Variants in ITGB2 observed in about 807,000 individuals in gnomAD.
ITGB2 encodes the protein integrin subunit beta 2, also known as integrin beta-2.
Under a neutral mutation model 86.8 loss-of-function variants are expected in ITGB2, and 56 were observed. The observed-to-expected ratio is 0.65, with a 90% confidence interval of 0.52 to 0.81. The LOEUF is 0.81. Among genes scored for constraint, ITGB2 ranks in the 30% least tolerant of loss-of-function variants. The pLI is 0.00. For synonymous variants in ITGB2, 457 were observed against 450.4 expected (o/e 1.01, Z -0.19); for missense variants, 948 against 1,061.2 (o/e 0.89, Z 1.48).
In ITGB2 at chr21:44,890,041, G is replaced by T; in HGVS notation, c.1594C>A (p.Gln532Lys). The change falls in exon 12 of 16, where the codon CAG becomes AAG. Residue 532 changes from glutamine to lysine, a missense_variant. Gln to Lys is a moderately conservative substitution (Grantham distance 53). Coordinates refer to ENST00000652462, the MANE Select transcript of ITGB2 (RefSeq NM_000211.5). ...SDVPGKLIYG[Q>K]YCECDTINCE... Reference sequence around the variant, plus strand: ...TTGATGGTGTCACACTCGCAGTACTGCCCGTATATCAGCTTGCCGGGGACG... The same window carrying T: ...TTGATGGTGTCACACTCGCAGTACTTCCCGTATATCAGCTTGCCGGGGACG... The T allele has an allele frequency of 1.2e-6, 2 of 1,613,534 alleles. No homozygotes were observed. The highest frequency in any genetic ancestry group is 1.7e-6 in the Non-Finnish European group (2 of 1,180,028).
chr21:44,911,700 C>A (rs1280569545), intron 1 of ITGB2, among the ~76,000 whole-genome samples: 2 of 152,228 alleles, frequency 1.3e-5, no homozygotes, highest in Non-Finnish European at 2.9e-5. Flanking sequence ...CCGTCCTTAA[C>A]CCACGCATCC....
intron 4 of ITGB2, 88 bp from the exon 5 acceptor site, chr21:44,903,623 T>A (rs916026617): frequency 1.1e-5 from 16 of 1,486,924 alleles, no homozygotes; most frequent in Non-Finnish European, 1.4e-5. Flanking sequence ...GGCTGTGCAC[T>A]GGCACCCTCT....
Position 44,894,540 on chromosome 21 carries a change from G to A in ITGB2, c.1083+431C>T. 10 of 279,430 alleles carry A rather than the reference G, an allele frequency of 3.6e-5. No homozygotes were observed. The South Asian group carries it at 3.6e-4, about 10-fold the overall frequency. The allele number at this position is 279,430 out of a possible 1,614,324, so 17.3% of individuals were successfully genotyped here. On this transcript the variant is annotated intron_variant, in intron 9 of 15. Transcript: ENST00000652462. ...AATTCAGGGGTTAAGGGCTTCTCTG[G>A]AGCTTGCCCAGGACAGGTGAACAGA...
chr21:44,926,500 C>T (rs1568916678), intron 1 of ITGB2, among the ~76,000 whole-genome samples: 1 of 152,176 alleles, frequency 6.6e-6, no homozygotes, highest in African/African-American at 2.4e-5. Flanking sequence ...CACCGGCAAC[C>T]GGCATCCGTG....
chr21:44,905,625 G>C (rs1385881681), intron 4 of ITGB2, among the ~76,000 whole-genome samples: 5 of 152,236 alleles, frequency 3.3e-5, no homozygotes, highest in Non-Finnish European at 5.9e-5. Context: ...AGGCCCTCGA[G>C]TTTGAGGTCA....
At chr21:44,896,040 A>G (rs1014246550) in intron 8 of ITGB2, among the ~76,000 whole-genome samples, 10 of 151,776 alleles carry the variant, frequency 6.6e-5, no homozygotes, top group Non-Finnish European at 1.3e-4. Flanking sequence ...CTGCGGTGTG[A>G]GTGCTCCCGC....
intron 8 of ITGB2, among the ~76,000 whole-genome samples, chr21:44,897,221 C>T (rs561068291): frequency 6.6e-6 from 1 of 152,348 alleles, no homozygotes; most frequent in South Asian, 2.1e-4. Flanking sequence ...CGAGGTTGAG[C>T]TTGTAGCTGG....
intron 1 of ITGB2, among the ~76,000 whole-genome samples, chr21:44,917,074 G>A (rs1423420252): frequency 6.6e-6 from 1 of 152,118 alleles, no homozygotes; most frequent in Non-Finnish European, 1.5e-5. Context: ...CAAGGGTGTG[G>A]CACCCTGAGC....
In ITGB2 at chr21:44,886,922, C is replaced by A. The variant is rs2146491546; in HGVS notation, c.2081-20G>T. 2.5e-6 allele frequency: 4 copies of A among 1,610,878 alleles called. No individual in the cohort carries two copies. The African/African-American group carries it at 4.0e-5, about 16-fold the overall frequency. ...CACACTCTAGGGAAGAAGCAGCACACCTGAGCGTCAGTCCAGCCCCATCTC... is the reference window on the plus strand; with the variant it reads ...CACACTCTAGGGAAGAAGCAGCACAACTGAGCGTCAGTCCAGCCCCATCTC... On this transcript the variant is annotated intron_variant, in intron 14 of 15. Transcript: ENST00000652462.
intron 3 of ITGB2, 121 bp downstream of exon 3, chr21:44,910,162 CT>C: frequency 7.4e-7 from 1 of 1,347,114 alleles, no homozygotes; most frequent in Non-Finnish European, 1.0e-6. Flanking sequence ...AGGCCAGGGT[CT>C]GGGGACCCCC....
At position 44,910,693 on chromosome 21, in the gene ITGB2, G is replaced by A. The variant is rs367741178; in HGVS notation, c.58+32C>T. On this transcript the variant is annotated intron_variant, in intron 2 of 15. Coordinates refer to ENST00000652462, the MANE Select transcript of ITGB2 (RefSeq NM_000211.5). ...GTTCTCCCTGATTGGAATGTCACGC[G>A]TGGAGTCCCCTCCGTGGAACACAGA... 2.6e-4 allele frequency: 416 copies of A among 1,608,626 alleles called. 1 individual carries two copies. The highest frequency in any genetic ancestry group is 5.0e-4 in the Middle Eastern group (3 of 6,048).
Position 44,889,405 on chromosome 21 carries a change from A to C in ITGB2, c.1748T>G (p.Leu583Arg). The C allele has an allele frequency of 6.2e-7, 1 of 1,612,508 alleles. No individual in the cohort carries two copies. Among genetic ancestry groups the C allele is most frequent in the Non-Finnish European group, 8.5e-7 (1 of 1,179,686 alleles). Residue 583 changes from leucine to arginine, a missense_variant, in exon 13 of 16, where the codon CTG (leucine) becomes CGG (arginine). By Grantham distance (102) the Leu-to-Arg change is moderately radical. Coordinates refer to ENST00000652462, the MANE Select transcript of ITGB2 (RefSeq NM_000211.5). ...ACTACACTCAACACGCCGCGGGTTC[A>C]GGCAGCCCTCAGTGGTCCTCTCGCA... ...CQCERTTEGCLNPRRVECSGR... is the reference protein window; with the variant it reads ...CQCERTTEGCRNPRRVECSGR...
intron 8 of ITGB2, 86 bp downstream of exon 8, chr21:44,898,981 C>T (rs1010162803): frequency 1.5e-5 from 16 of 1,075,034 alleles, no homozygotes; most frequent in African/African-American, 6.3e-5. Flanking sequence ...GCAGAGGTGG[C>T]GCTCAGACCT....
At position 44,886,763 on chromosome 21, in the gene ITGB2, C is replaced by G. The variant is rs760991347; in HGVS notation, c.2220G>C (p.Lys740Asn). The change falls in exon 15 of 16, where the codon AAG becomes AAC. Residue 740 changes from lysine (K) to asparagine (N), a missense_variant. Coordinates refer to ENST00000652462, the MANE Select transcript of ITGB2 (RefSeq NM_000211.5). ...TGTTCCACTGGGACTTGAGCTTCTC[C>G]TTCTCAAAGCGCCTGTACTCCCGGA... ...SDLREYRRFE[K>N]EKLKSQWNND... 6.2e-7 allele frequency: 1 copy of G among 1,614,084 alleles called. No individual in the cohort carries two copies.
chr21:44,886,947 C>T lies in ITGB2; in HGVS notation c.2081-45G>A, dbSNP rs749698952. Reference sequence around the variant, plus strand: ...CCTGAGCGTCAGTCCAGCCCCATCTCACTGAGCCGTGTGCCCACAGGTCCG... The same window carrying T: ...CCTGAGCGTCAGTCCAGCCCCATCTTACTGAGCCGTGTGCCCACAGGTCCG... On this transcript the variant is annotated intron_variant, in intron 14 of 15. Coordinates refer to ENST00000652462, the MANE Select transcript of ITGB2 (RefSeq NM_000211.5). 3 of 1,606,410 alleles carry T rather than the reference C, an allele frequency of 1.9e-6. No individual in the cohort carries two copies. The South Asian group carries it at 3.3e-5, about 18-fold the overall frequency.
intron 9 of ITGB2, 130 bp downstream of exon 9, chr21:44,894,841 G>A (rs2083840197): frequency 1.4e-6 from 1 of 735,656 alleles, no homozygotes; most frequent in Non-Finnish European, 2.5e-6. Context: ...TCGGGAGGCT[G>A]CAGCTGGCCC....
chr21:44,924,773 T>G (rs2838740), upstream of ITGB2, among the ~76,000 whole-genome samples: 1 of 151,938 alleles, frequency 6.6e-6, no homozygotes, highest in Non-Finnish European at 1.5e-5. Context: ...TACGGGGTAA[T>G]GAATAAGAGC....
rs572702064 is a variant in ITGB2, at chr21:44,906,849, G to A, written c.328+66C>T. On this transcript the variant is annotated intron_variant, in intron 4 of 15. Coordinates refer to ENST00000652462, the MANE Select transcript of ITGB2 (RefSeq NM_000211.5). ...GCCCTGACACCCCAGAGCAGGGCCG[G>A]ACTCCCAGCCAGAGCCAATAACCAG... The A allele has an allele frequency of 9.4e-5, 147 of 1,569,768 alleles. No individual in the cohort carries two copies. In the East Asian group the frequency reaches 9.4e-4, roughly 10 times the overall value.
At chr21:44,895,841 AAAATGAAATG>A (rs71199643) in intron 8 of ITGB2, among the ~76,000 whole-genome samples, 124 of 129,328 alleles carry the variant, frequency 9.6e-4, no homozygotes, top group South Asian at 1.8e-3. Context: ...TCAATAAAAT[AAAATGAAATG>A]AAATGAAATG....
Sources: allele counts gnomAD v4.1 joint callset (sites outside exome capture counted in the v4.1 genomes callset), GRCh38; gene constraint gnomAD v4.1.1; transcripts MANE v1.5; gene names NCBI Gene and HGNC (gene_info 2026-07-23, HGNC 2026-07-21).